The following NR1I2 variants were observed in gnomAD, a reference collection of about 807,000 sequenced individuals.
The protein encoded by NR1I2 is orphan nuclear receptor PAR1.
Under a neutral mutation model 43.3 loss-of-function variants are expected in NR1I2, and 42 were observed. The observed-to-expected ratio is 0.97, with a 90% CI of 0.76 to 1.26. The LOEUF is 1.26. Among genes scored for constraint, NR1I2 ranks in the 50% most tolerant of loss-of-function variants. NR1I2 has a pLI of 0.00. For missense variants in NR1I2, 559 were observed against 566.7 expected, an observed-to-expected ratio of 0.99 and a Z score of 0.14; for synonymous variants, 229 against 215.0, an observed-to-expected ratio of 1.06 and a Z score of -0.57.
At position 119,812,954 on chromosome 3, in the gene NR1I2, A is replaced by C. The variant is rs146128653; in HGVS notation, c.788A>C (p.Tyr263Ser). The change falls in exon 5 of 9, where the codon TAC (tyrosine) becomes TCC (serine). Residue 263 changes from tyrosine to serine, a missense_variant. This residue lies in a region of NR1I2 where 323 missense variants were observed against 312.2 expected (regional missense o/e 1.03). Coordinates refer to ENST00000393716, the MANE Select transcript of NR1I2 (RefSeq NM_003889.4). ...ATCAGCTTTGCCAAAGTCATCTCCT[A>C]CTTCAGGTAGGACATGGAGACTGGG... The C allele has an allele frequency of 6.2e-7, 1 of 1,613,362 alleles. No individual in the cohort carries two copies. Among genetic ancestry groups the C allele is most frequent in the Admixed American group, 1.7e-5 (1 of 60,030 alleles).
intron 1 of NR1I2, among the ~76,000 whole-genome samples, chr3:119,799,540 A>G (rs1034637254): frequency 1.3e-5 from 2 of 152,210 alleles, no homozygotes; most frequent in Admixed American, 6.5e-5. Context: ...ATGAAGTTCA[A>G]TTTATCAACT....
intron 1 of NR1I2, among the ~76,000 whole-genome samples, chr3:119,806,470 A>C (rs1021034864): frequency 1.3e-5 from 2 of 151,790 alleles, no homozygotes; most frequent in Non-Finnish European, 2.9e-5. Flanking sequence ...ATTTTTTGTA[A>C]AGATGAGATC....
At chr3:119,809,560 G>C (rs879817450) in intron 2 of NR1I2, among the ~76,000 whole-genome samples, 6 of 138,764 alleles carry the variant, frequency 4.3e-5, no homozygotes, top group Admixed American at 1.4e-4. Context: ...GGGGAAGGCG[G>C]GGGGGAAGGC....
At chr3:119,799,678 A>G (rs1377074532) in intron 1 of NR1I2, among the ~76,000 whole-genome samples, 1 of 152,218 alleles carries the variant, frequency 6.6e-6, no homozygotes, top group Non-Finnish European at 1.5e-5. Context: ...CACCAGTAAT[A>G]TGCTTTATAA....
chr3:119,796,705 T>C (rs972341845), intron 1 of NR1I2, among the ~76,000 whole-genome samples: 3 of 152,230 alleles, frequency 2.0e-5, no homozygotes, highest in African/African-American at 7.2e-5. Flanking sequence ...CATGCTCTCC[T>C]GGGGGCTCCC....
At chr3:119,809,413 C>G (rs1225040068) in intron 2 of NR1I2, among the ~76,000 whole-genome samples, 1 of 151,972 alleles carries the variant, frequency 6.6e-6, no homozygotes, top group African/African-American at 2.4e-5. Flanking sequence ...CTCTTTGCCC[C>G]CTAGGTCAAC....
intron 1 of NR1I2, among the ~76,000 whole-genome samples, chr3:119,803,824 C>G (rs1405990936): frequency 6.6e-6 from 1 of 151,554 alleles, no homozygotes; most frequent in Non-Finnish European, 1.5e-5. Context: ...GTAGCGTAAT[C>G]TTGTCTCCCT....
chr3:119,809,965 G>T (rs1213251674), intron 2 of NR1I2, 96 bp from the exon 3 acceptor site: 1 of 1,513,684 alleles, frequency 6.6e-7, no homozygotes, highest in Non-Finnish European at 9.1e-7. Context: ...TCCCCGAGTC[G>T]GTAGGGGCTG....
In NR1I2 at chr3:119,817,387, G is replaced by T; in HGVS notation, c.*175G>T. ...CTAGCATTCCTCAGGAAGGACATGGGTGCCCCCCACCCCCAGTTCAGTCTG... is the reference window on the plus strand; with the variant it reads ...CTAGCATTCCTCAGGAAGGACATGGTTGCCCCCCACCCCCAGTTCAGTCTG... On this transcript the variant is annotated 3_prime_UTR_variant, in exon 9 of 9. Transcript: ENST00000393716. 1 of 1,484,558 alleles carries T rather than the reference G, an allele frequency of 6.7e-7. No individual in the cohort carries two copies. Among genetic ancestry groups the T allele is most frequent in the Non-Finnish European group, 8.9e-7 (1 of 1,118,728 alleles). 92.0% of individuals were successfully genotyped at this position (1,484,558 alleles called of 1,614,324 possible).
chr3:119,816,179 T>C (rs2055326000), intron 8 of NR1I2, among the ~76,000 whole-genome samples: 1 of 152,220 alleles, frequency 6.6e-6, no homozygotes, highest in Non-Finnish European at 1.5e-5. Flanking sequence ...TGTGAACCTA[T>C]AAACTGAAAT....
chr3:119,792,530 G>A (rs901683742), intron 1 of NR1I2: 91 of 995,334 alleles, frequency 9.1e-5, no homozygotes, highest in Middle Eastern at 4.7e-4. Flanking sequence ...AGGGCAGTCC[G>A]TGCTCCTCCA....
intron 8 of NR1I2, 104 bp downstream of exon 8, chr3:119,815,935 G>A (rs926847708): frequency 4.4e-6 from 4 of 916,030 alleles, no homozygotes; most frequent in Non-Finnish European, 7.0e-6. Context: ...TCTGGAGGTA[G>A]CCCCAGCCAG....
Position 119,817,486 on chromosome 3 carries a change from T to C in NR1I2, c.*274T>C, listed in dbSNP as rs1177227718. 7.6e-7 allele frequency: 1 copy of C among 1,317,214 alleles called. No individual in the cohort carries two copies. Among genetic ancestry groups the C allele is most frequent in the African/African-American group, 1.5e-5 (1 of 66,870 alleles). The allele number at this position is 1,317,214 out of a possible 1,614,324, so 81.6% of individuals were successfully genotyped here. ...GGTCAGGACCATCAGAGAGGCAAGGTTGCCCTTTCCTTTTAAAAGGCCCTG... is the reference window on the plus strand; with the variant it reads ...GGTCAGGACCATCAGAGAGGCAAGGCTGCCCTTTCCTTTTAAAAGGCCCTG... On this transcript the variant is annotated 3_prime_UTR_variant, in exon 9 of 9. Transcript: ENST00000393716.
chr3:119,790,635 T>C (rs2107949011), intron 1 of NR1I2, among the ~76,000 whole-genome samples: 1 of 152,350 alleles, frequency 6.6e-6, no homozygotes, highest in Non-Finnish European at 1.5e-5. Context: ...GGTTTCCCTT[T>C]GCATTTGCCT....
chr3:119,795,126 G>T (rs1230153599), intron 1 of NR1I2, among the ~76,000 whole-genome samples: 1 of 152,166 alleles, frequency 6.6e-6, no homozygotes, highest in Non-Finnish European at 1.5e-5. Context: ...GGCTGGGGTT[G>T]GTCAGTGCAC....
At chr3:119,792,618 C>T in intron 1 of NR1I2, 1 of 604,484 alleles carries the variant, frequency 1.7e-6, no homozygotes, top group Non-Finnish European at 3.0e-6. Context: ...CTTAACACTG[C>T]CTTCCTTCTG....
chr3:119,818,271 A>G lies in NR1I2; in HGVS notation c.*1059A>G. On this transcript the variant is annotated 3_prime_UTR_variant, in exon 9 of 9. Coordinates refer to ENST00000393716, the MANE Select transcript of NR1I2 (RefSeq NM_003889.4). ...CACCGGAGAAGAACCATTTACATGC[A>G]CCTTATATTTCTGTGTACACATCTA... 1 of 985,552 alleles carries G rather than the reference A, an allele frequency of 1.0e-6. No homozygotes were observed. Among genetic ancestry groups the G allele is most frequent in the Non-Finnish European group, 1.2e-6 (1 of 829,942 alleles). 61.1% of individuals were successfully genotyped at this position (985,552 alleles called of 1,614,324 possible). A position where few individuals can be genotyped will look rare whatever the true frequency, so the allele number is the denominator to read the frequency against.
At position 119,805,221 on chromosome 3, in the gene NR1I2, G is replaced by A. The variant is rs1329503294; in HGVS notation, c.-22-2008G>A. The stretch of plus-strand genomic sequence containing the variant: ...TTGATAACTCAGGGCATTTTCTCAT[G>A]TCTAATTCTAGAAGTTTTTTTGGTT... On this transcript the variant is annotated intron_variant, in intron 1 of 8. Transcript: ENST00000393716. 3.3e-5 allele frequency among the ~76,000 whole-genome samples: 5 copies of A among 152,140 alleles called. No homozygotes were observed. The East Asian group carries it at 7.7e-4, about 23-fold the overall frequency.
In NR1I2 at chr3:119,817,357, G is replaced by C. The variant is rs2107981193; in HGVS notation, c.*145G>C. 6.5e-7 allele frequency: 1 copy of C among 1,534,820 alleles called. No individual in the cohort carries two copies. The highest frequency in any genetic ancestry group is 2.4e-5 in the East Asian group (1 of 41,638). On this transcript the variant is annotated 3_prime_UTR_variant, in exon 9 of 9. Coordinates refer to ENST00000393716, the MANE Select transcript of NR1I2 (RefSeq NM_003889.4). Reference sequence around the variant, plus strand: ...TCCCTAGGGAATTCCTGCTATGACAGCTGGCTAGCATTCCTCAGGAAGGAC... The same window carrying C: ...TCCCTAGGGAATTCCTGCTATGACACCTGGCTAGCATTCCTCAGGAAGGAC...
Sources: gnomAD v4.1 joint callset for allele counts (sites outside exome capture counted in the v4.1 genomes callset) on GRCh38, gnomAD v4.1.1 for gene constraint, gnomAD v4.1.1 regional missense constraint, MANE v1.5 for transcripts, NCBI Gene and HGNC (gene_info 2026-07-23, HGNC 2026-07-21) for gene names.